RHCG: variants seen among roughly 807,000 people sequenced by gnomAD.
RHCG encodes the protein ammonium transporter Rh type C.
In RHCG, 39 loss-of-function variants were observed where a neutral mutation model predicts 55.3. The ratio of observed to expected loss-of-function variants is 0.70; its 90% CI spans 0.55 to 0.92. The LOEUF is 0.92. RHCG is among the 40% of genes least tolerant of loss of function. The pLI is 0.00. For synonymous variants in RHCG, 250 were observed against 246.8 expected (o/e 1.01, Z -0.12); for missense variants, 635 against 627.9 (o/e 1.01, Z -0.12).
Position 89,493,375 on chromosome 15 carries a change from G to A in RHCG, c.184+2986C>T, listed in dbSNP as rs558172664. ...GCCACTGGCTGCATCACGGGCCTCC[G>A]AGGGCACTGCCAACGTGAGTCCCCA... On this transcript the variant is annotated intron_variant, in intron 1 of 10. Transcript: ENST00000268122. Among the ~76,000 whole-genome samples, 37 of 152,312 alleles carry A rather than the reference G, an allele frequency of 2.4e-4. No homozygotes were observed. The South Asian group carries it at 7.3e-3, about 30-fold the overall frequency.
At chr15:89,484,468 T>C (rs909684362) in intron 2 of RHCG, among the ~76,000 whole-genome samples, 2 of 152,052 alleles carry the variant, frequency 1.3e-5, no homozygotes, top group East Asian at 3.9e-4. Flanking sequence ...TTCATCTTGA[T>C]AGAAGTGACC....
chr15:89,491,316 C>T (rs571198183), intron 1 of RHCG, among the ~76,000 whole-genome samples: 18 of 152,310 alleles, frequency 1.2e-4, no homozygotes, highest in Admixed American at 9.1e-4. Flanking sequence ...TCTTCTCTTC[C>T]CTCCGTCAGG....
In RHCG at chr15:89,486,597, A is replaced by AGTGTGTGT. The variant is rs1441361243; in HGVS notation, c.371+201_371+202insACACACAC. The AGTGTGTGT allele has an allele frequency of 2.3e-3, 755 of 326,938 alleles. 4 individuals are homozygous for AGTGTGTGT. The highest frequency in any genetic ancestry group is 0.01 in the African/African-American group (310 of 30,224). 20.3% of individuals were successfully genotyped at this position (326,938 alleles called of 1,614,324 possible). On this transcript the variant is annotated intron_variant, in intron 2 of 10. Transcript: ENST00000268122. The stretch of plus-strand genomic sequence containing the variant: ...GAGAGAGAGAGAGAGAGAGAGAGAG[A>AGTGTGTGT]GAGTGTGTGTGTGTGTGTGTGTGTG...
At position 89,496,451 on chromosome 15, in the gene RHCG, A is replaced by C; in HGVS notation, c.94T>G (p.Tyr32Asp). 6.2e-7 allele frequency: 1 copy of C among 1,614,028 alleles called. No individual in the cohort carries two copies. Among genetic ancestry groups the C allele is most frequent in the Non-Finnish European group, 8.5e-7 (1 of 1,179,958 alleles). ...CAGTGGGCGTCGGCCTCGAAGTCGT[A>C]GCGCACGAACACCCCGAAGAGAATC... ...MVILFGVFVR[Y>D]DFEADAHWWS... Residue 32 changes from tyrosine to aspartate, a missense_variant, in exon 1 of 11, where the codon TAC (tyrosine) becomes GAC (aspartate). Transcript: ENST00000268122.
intron 1 of RHCG, 67 bp from the exon 2 acceptor site, chr15:89,487,052 C>T (rs1308984310): frequency 1.4e-6 from 2 of 1,409,062 alleles, no homozygotes; most frequent in East Asian, 5.2e-5. Flanking sequence ...TGGGTCTGGG[C>T]CAGGAAGGCC....
At chr15:89,479,665 A>C in intron 4 of RHCG, 177 bp from the exon 5 acceptor site, 2 of 611,264 alleles carry the variant, frequency 3.3e-6, no homozygotes, top group South Asian at 2.1e-5. Flanking sequence ...TGCCTTCCTT[A>C]CCCCCCACTT....
chr15:89,475,409 A>T (rs2141887453), intron 9 of RHCG, among the ~76,000 whole-genome samples: 1 of 151,878 alleles, frequency 6.6e-6, no homozygotes, highest in South Asian at 2.1e-4. Flanking sequence ...AGCCCGGCTA[A>T]TTTTTTTTGT....
At position 89,472,779 on chromosome 15, in the gene RHCG, C is replaced by G; in HGVS notation, c.1396G>C (p.Val466Leu). ...GAGGAAGCCATGGGTAGTGGGGACA[C>G]CATGGGTACTGAGGGTACTGAGGGT... ...SGPSVPSVPM[V>L]SPLPMASSVP... The change falls in exon 10 of 11, where the codon GTG becomes CTG. Residue 466 changes from valine (V) to leucine (L), a missense_variant. Val to Leu is a conservative substitution (Grantham distance 32, BLOSUM62 1). Transcript: ENST00000268122. 6.3e-7 allele frequency: 1 copy of G among 1,580,338 alleles called. No individual in the cohort carries two copies. The highest frequency in any genetic ancestry group is 8.6e-7 in the Non-Finnish European group (1 of 1,162,864).
At chr15:89,475,962 A>C (rs1323766644) in intron 9 of RHCG, among the ~76,000 whole-genome samples, 1 of 151,914 alleles carries the variant, frequency 6.6e-6, no homozygotes, top group East Asian at 1.9e-4. Flanking sequence ...TGGAATCAGG[A>C]TGTCTGAGGA....
At chr15:89,491,927 C>T (rs1961482837) in intron 1 of RHCG, among the ~76,000 whole-genome samples, 1 of 152,206 alleles carries the variant, frequency 6.6e-6, no homozygotes. Flanking sequence ...CACTGCAGAG[C>T]TTTGTAGCAC....
chr15:89,490,797 G>T (rs1233764979), intron 1 of RHCG, among the ~76,000 whole-genome samples: 1 of 151,866 alleles, frequency 6.6e-6, no homozygotes, highest in Non-Finnish European at 1.5e-5. Context: ...GGTGAGGGCT[G>T]GGCTGGTGGG....
intron 1 of RHCG, among the ~76,000 whole-genome samples, chr15:89,492,524 C>T (rs1450814800): frequency 6.6e-6 from 1 of 152,192 alleles, no homozygotes; most frequent in East Asian, 1.9e-4. Flanking sequence ...ACTGCAAAAT[C>T]TCCTGGGGAG....
intron 1 of RHCG, among the ~76,000 whole-genome samples, chr15:89,494,282 C>A (rs901370406): frequency 6.6e-6 from 1 of 152,122 alleles, no homozygotes; most frequent in Non-Finnish European, 1.5e-5. Context: ...GCCACGGTGC[C>A]CCTCTCTGCT....
rs1961572118 is a variant in RHCG at position 89,496,529 on chromosome 15, T to C, written c.16A>G (p.Asn6Asp). The C allele has an allele frequency of 6.2e-7, 1 of 1,612,586 alleles. No homozygotes were observed. The highest frequency in any genetic ancestry group is 1.7e-5 in the Admixed American group (1 of 60,018). The stretch of plus-strand genomic sequence containing the variant: ...GTGAGCGGCAGCCGCCAGCGGAGGT[T>C]GGTGTTCCAGGCCATGCTGCAGGGG... MAWNT[N>D]LRWRLPLTCL... Residue 6 changes from asparagine (N) to aspartate (D), a missense_variant, in exon 1 of 11, where the codon AAC becomes GAC. Transcript: ENST00000268122.
At chr15:89,486,599 A>AGTGAGAGTGTGTGT (rs1961372108) in intron 2 of RHCG, 200 bp downstream of exon 2, 1 of 236,650 alleles carries the variant, frequency 4.2e-6, no homozygotes, top group Admixed American at 5.9e-5. Context: ...AGAGAGAGAG[A>AGTGAGAGTGTGTGT]GTGTGTGTGT....
At position 89,472,796 on chromosome 15, in the gene RHCG, ACTGAGGGTC is replaced by A. The variant is rs1420440829; in HGVS notation, c.1370_1378del (p.Gly457_Ser459del). ...TGGGGACACCATGGGTACTGAGGGT[ACTGAGGGTC>A]CTGAGGGCTTGAAGGTGGGGTCCTC... On this transcript the variant is annotated inframe_deletion, in exon 10 of 11. Coordinates refer to ENST00000268122, the MANE Select transcript of RHCG (RefSeq NM_016321.3). 2 of 1,564,878 alleles carry A rather than the reference ACTGAGGGTC, an allele frequency of 1.3e-6. No homozygotes were observed. The highest frequency in any genetic ancestry group is 3.8e-5 in the Admixed American group (2 of 52,808).
intron 1 of RHCG, among the ~76,000 whole-genome samples, chr15:89,490,345 G>A (rs1596408721): frequency 1.3e-5 from 2 of 152,256 alleles, no homozygotes; most frequent in African/African-American, 4.8e-5. Context: ...AGGGGTACAA[G>A]CCAGTGTGGG....
At chr15:89,472,923 G>T in intron 9 of RHCG, 60 bp from the exon 10 acceptor site, 1 of 1,392,834 alleles carries the variant, frequency 7.2e-7, no homozygotes, top group Non-Finnish European at 9.4e-7. Context: ...GGTGTCCCTG[G>T]TGACTAGAAC....
chr15:89,486,810 C>G lies in RHCG; in HGVS notation c.360G>C (p.Val120=). The G allele has an allele frequency of 6.3e-7, 1 of 1,590,768 alleles. No homozygotes were observed. Among genetic ancestry groups the G allele is most frequent in the Non-Finnish European group, 8.6e-7 (1 of 1,163,068 alleles). ...FHFLQDRYIV[V]GVENLINADF... is the part of the protein sequence containing the mutation. ...CGCCCTGCGCTCACTTCTCCACGCC[C>G]ACGACGATGTAGCGGTCTTGTAAGA... The change falls in exon 2 of 11, where the codon GTG becomes GTC. Residue 120 remains valine (V), a synonymous_variant. Coordinates refer to ENST00000268122, the MANE Select transcript of RHCG (RefSeq NM_016321.3).
Sources: allele counts gnomAD v4.1 joint callset (sites outside exome capture counted in the v4.1 genomes callset), GRCh38; gene constraint gnomAD v4.1.1; transcripts MANE v1.5; gene names NCBI Gene and HGNC (gene_info 2026-07-23, HGNC 2026-07-21).